DISC1: variants seen among roughly 807,000 people sequenced by gnomAD.
DISC1 encodes the protein disrupted in schizophrenia 1 protein.
DISC1 carries 57 observed loss-of-function variants against 84.5 expected under a neutral mutation model. The ratio of observed to expected loss-of-function variants is 0.67; its 90% CI spans 0.55 to 0.84. The LOEUF is 0.84. DISC1 is among the 40% of genes least tolerant of loss of function. The probability of loss-of-function intolerance (pLI) is 0.00; values close to 1 mark genes in which losing one functional copy is unlikely to be tolerated. For missense variants in DISC1, 1,000 were observed against 1,057.8 expected, an observed-to-expected ratio of 0.95 and a Z score of 0.76; for synonymous variants, 411 against 415.2, an observed-to-expected ratio of 0.99 and a Z score of 0.12.
At chr1:231,752,502 C>T (rs2074714564) in intron 4 of DISC1, among the ~76,000 whole-genome samples, 1 of 152,144 alleles carries the variant, frequency 6.6e-6, no homozygotes, top group Admixed American at 6.5e-5. Flanking sequence ...AGTATCCACC[C>T]CCATGATGCA....
intron 10 of DISC1, among the ~76,000 whole-genome samples, chr1:231,986,153 C>T (rs928021104): frequency 1.4e-4 from 22 of 152,310 alleles, no homozygotes; most frequent in East Asian, 5.8e-4. Flanking sequence ...TACCCTGCCA[C>T]GCACAGAGAG....
chr1:231,991,049 A>G (rs1665137210), intron 10 of DISC1, among the ~76,000 whole-genome samples: 1 of 152,184 alleles, frequency 6.6e-6, no homozygotes, highest in South Asian at 2.1e-4. Flanking sequence ...TGGCTTATTC[A>G]TTGTCTTCTC....
intron 9 of DISC1, among the ~76,000 whole-genome samples, chr1:231,870,626 G>C (rs1169377796): frequency 6.6e-6 from 1 of 152,156 alleles, no homozygotes; most frequent in Non-Finnish European, 1.5e-5. Flanking sequence ...CACGAACTGT[G>C]GCATGTTTGG....
intron 1 of DISC1, among the ~76,000 whole-genome samples, chr1:231,665,992 G>A (rs1203897291): frequency 6.6e-6 from 1 of 152,148 alleles, no homozygotes; most frequent in African/African-American, 2.4e-5. Context: ...GCCATGCCAT[G>A]CTAATTGCCT....
At chr1:231,955,052 A>G (rs1369129361) in intron 9 of DISC1, among the ~76,000 whole-genome samples, 3 of 152,234 alleles carry the variant, frequency 2.0e-5, no homozygotes, top group East Asian at 3.8e-4. Flanking sequence ...CAGTTTCTTA[A>G]CAAAGTGATT....
chr1:231,828,310 C>A (rs1484847972), intron 9 of DISC1, among the ~76,000 whole-genome samples: 1 of 152,174 alleles, frequency 6.6e-6, no homozygotes, highest in African/African-American at 2.4e-5. Context: ...TTCGTATGTA[C>A]CAATCTTGTT....
At chr1:231,866,537 G>A (rs1441738193) in intron 9 of DISC1, 1 of 851,544 alleles carries the variant, frequency 1.2e-6, no homozygotes, top group Admixed American at 1.7e-5. Context: ...TAAGTACTGT[G>A]ATGCAGAGTC....
chr1:231,811,072 T>C (rs1254674278), intron 8 of DISC1, among the ~76,000 whole-genome samples: 1 of 152,212 alleles, frequency 6.6e-6, no homozygotes, highest in Non-Finnish European at 1.5e-5. Flanking sequence ...TGTTGGAAAG[T>C]TCTGTGTGTC....
At chr1:231,763,794 C>G (rs1316234098) in intron 4 of DISC1, among the ~76,000 whole-genome samples, 1 of 152,196 alleles carries the variant, frequency 6.6e-6, no homozygotes, top group Non-Finnish European at 1.5e-5. Context: ...GCATTTGTCT[C>G]TCCTGCTCCA....
At chr1:232,021,960 C>T (rs1294840102) in intron 11 of DISC1, among the ~76,000 whole-genome samples, 1 of 152,116 alleles carries the variant, frequency 6.6e-6, no homozygotes, top group Non-Finnish European at 1.5e-5. Flanking sequence ...ACAGCCCGTC[C>T]ATGTAGCTGG....
At chr1:231,915,240 G>T (rs1355812256) in intron 9 of DISC1, among the ~76,000 whole-genome samples, 1 of 152,156 alleles carries the variant, frequency 6.6e-6, no homozygotes, top group African/African-American at 2.4e-5. Flanking sequence ...GTGCCTCATG[G>T]TTTCAGGGGA....
At chr1:231,782,008 T>G (rs1420163049) in intron 6 of DISC1, among the ~76,000 whole-genome samples, 1 of 152,222 alleles carries the variant, frequency 6.6e-6, no homozygotes, top group African/African-American at 2.4e-5. Context: ...CCTGTGCTGA[T>G]AGCTAGGCTG....
At position 231,854,043 on chromosome 1, in the gene DISC1, T is replaced by C. The variant is rs1239915624; in HGVS notation, c.1981+35526T>C. On this transcript the variant is annotated intron_variant, in intron 9 of 12. Coordinates refer to ENST00000439617, the MANE Select transcript of DISC1 (RefSeq NM_018662.3). Reference sequence around the variant, plus strand: ...CTGCTCACCCACCTGGGTGGGGTGGTCAGTCTAGGGCGGCCCAAGGGGATT... The same window carrying C: ...CTGCTCACCCACCTGGGTGGGGTGGCCAGTCTAGGGCGGCCCAAGGGGATT... Among the ~76,000 whole-genome samples, 17 of 152,212 alleles carry C rather than the reference T, an allele frequency of 1.1e-4. No individual in the cohort carries two copies. In the South Asian group the frequency reaches 3.5e-3, roughly 32 times the overall value.
intron 9 of DISC1, among the ~76,000 whole-genome samples, chr1:231,896,530 G>A (rs750888775): frequency 6.6e-6 from 1 of 152,022 alleles, no homozygotes; most frequent in Non-Finnish European, 1.5e-5. Context: ...TCTAAAAATT[G>A]TGGTGTTTCA....
intron 1 of DISC1, among the ~76,000 whole-genome samples, chr1:231,658,295 G>A (rs1265035837): frequency 1.3e-5 from 2 of 152,164 alleles, no homozygotes; most frequent in African/African-American, 2.4e-5. Flanking sequence ...TGTTGTTGGT[G>A]TGTAGGAATG....
chr1:231,840,959 G>A (rs1260039523), intron 9 of DISC1, among the ~76,000 whole-genome samples: 1 of 152,060 alleles, frequency 6.6e-6, no homozygotes, highest in African/African-American at 2.4e-5. Flanking sequence ...CATTTACCAC[G>A]TGCTTTACCT....
chr1:232,024,230 A>G (rs987738299), intron 11 of DISC1, among the ~76,000 whole-genome samples: 2 of 152,100 alleles, frequency 1.3e-5, no homozygotes, highest in Non-Finnish European at 2.9e-5. Context: ...TCTTTTCTAT[A>G]TACACTTACT....
intron 6 of DISC1, among the ~76,000 whole-genome samples, chr1:231,779,431 C>T (rs2077206969): frequency 1.3e-5 from 2 of 151,280 alleles, no homozygotes; most frequent in Admixed American, 6.6e-5. Context: ...CTAAGGTGAA[C>T]ATAAGTTGTA....
chr1:231,859,322 C>T (rs150918095), intron 9 of DISC1, among the ~76,000 whole-genome samples: 1 of 152,276 alleles, frequency 6.6e-6, no homozygotes, highest in Non-Finnish European at 1.5e-5. Context: ...TCATAAATAA[C>T]AGAAATGTAT....
Sources: gnomAD v4.1 joint callset for allele counts (sites outside exome capture counted in the v4.1 genomes callset) on GRCh38, gnomAD v4.1.1 for gene constraint, MANE v1.5 for transcripts, NCBI Gene and HGNC (gene_info 2026-07-23, HGNC 2026-07-21) for gene names.